The following ARHGAP5 variants were observed in gnomAD, a reference collection of about 807,000 sequenced individuals.
ARHGAP5 encodes the protein Rho GTPase activating protein 5.
In ARHGAP5, 23 loss-of-function variants were observed where a neutral mutation model predicts 116.6. The ratio of observed to expected loss-of-function variants is 0.20; its 90% CI spans 0.14 to 0.28. The LOEUF (loss-of-function observed/expected upper bound fraction) is 0.28, where lower values mean the gene tolerates loss of function less well. Ranked by LOEUF, ARHGAP5 falls within the 10% of genes least tolerant of loss-of-function variation. ARHGAP5 has a pLI of 1.00. For missense variants in ARHGAP5, 1,405 were observed against 1,774.8 expected, an observed-to-expected ratio of 0.79 and a Z score of 3.74; for synonymous variants, 574 against 602.0, an observed-to-expected ratio of 0.95 and a Z score of 0.68.
At chr14:32,107,267 C>T (rs1248277839) in intron 2 of ARHGAP5, among the ~76,000 whole-genome samples, 1 of 152,110 alleles carries the variant, frequency 6.6e-6, no homozygotes, top group Non-Finnish European at 1.5e-5. Flanking sequence ...CTTCCTGTAA[C>T]TTGATGATGT....
chr14:32,126,705 G>T (rs1412915871), intron 3 of ARHGAP5, among the ~76,000 whole-genome samples: 1 of 151,948 alleles, frequency 6.6e-6, no homozygotes, highest in Non-Finnish European at 1.5e-5. Flanking sequence ...GATTTTATTG[G>T]ATTATTTTTC....
intron 1 of ARHGAP5, among the ~76,000 whole-genome samples, chr14:32,082,777 TG>T (rs1268376687): frequency 1.3e-5 from 2 of 152,242 alleles, no homozygotes; most frequent in African/African-American, 4.8e-5. Flanking sequence ...TGACCTCAAG[TG>T]ATCTGCTGGC....
intron 2 of ARHGAP5, among the ~76,000 whole-genome samples, chr14:32,110,912 AAAAACAGATGGAG>A (rs1879260048): frequency 1.3e-5 from 2 of 152,230 alleles, no homozygotes; most frequent in African/African-American, 4.8e-5. Flanking sequence ...TAGAATTCCC[AAAAACAGATGGAG>A]AAGGCTGCAG....
At chr14:32,110,715 C>T (rs1449019038) in intron 2 of ARHGAP5, among the ~76,000 whole-genome samples, 1 of 152,102 alleles carries the variant, frequency 6.6e-6, no homozygotes, top group Non-Finnish European at 1.5e-5. Flanking sequence ...GGATATTAAG[C>T]AGGTGATGCA....
Position 32,093,490 on chromosome 14 carries a change from A to G in ARHGAP5, c.2821A>G (p.Lys941Glu). ...FTLFFSDVLE[K>E]KNMIENSYLS... The stretch of plus-strand genomic sequence containing the variant: ...TCTGTTTTTTAGTGATGTTCTAGAG[A>G]AAAAAAATATGATAGAAAATTCTTA... Residue 941 changes from lysine to glutamate, a missense_variant, in exon 2 of 7, where the codon AAA (lysine) becomes GAA (glutamate). By Grantham distance (56) the Lys-to-Glu change is moderately conservative. Around this residue, in one of 6 missense-constraint regions of ARHGAP5, gnomAD observed 944 missense variants for 1,095.3 expected, o/e 0.86. Coordinates refer to ENST00000345122, the MANE Select transcript of ARHGAP5 (RefSeq NM_001030055.2). The G allele has an allele frequency of 1.9e-6, 3 of 1,611,302 alleles. No homozygotes were observed. The Middle Eastern group carries it at 5.0e-4, about 268-fold the overall frequency.
At chr14:32,148,220 C>A (rs1881484807) in intron 4 of ARHGAP5, among the ~76,000 whole-genome samples, 1 of 138,322 alleles carries the variant, frequency 7.2e-6, no homozygotes, top group African/African-American at 2.6e-5. Flanking sequence ...CTATGTATAT[C>A]TATCTATAGT....
intron 2 of ARHGAP5, among the ~76,000 whole-genome samples, chr14:32,107,925 C>G (rs889923965): frequency 2.6e-5 from 4 of 152,090 alleles, no homozygotes; most frequent in African/African-American, 9.7e-5. Flanking sequence ...GAACTCACAA[C>G]TGAGTTTGGG....
At chr14:32,114,984 G>A (rs1309438362) in intron 2 of ARHGAP5, among the ~76,000 whole-genome samples, 1 of 152,120 alleles carries the variant, frequency 6.6e-6, no homozygotes, top group Admixed American at 6.5e-5. Context: ...TAATGGATTT[G>A]TGATTTATGC....
intron 4 of ARHGAP5, among the ~76,000 whole-genome samples, chr14:32,147,134 C>T (rs778205107): frequency 2.6e-5 from 4 of 151,836 alleles, no homozygotes; most frequent in Non-Finnish European, 4.4e-5. Flanking sequence ...ATTCTATATG[C>T]GATTAAAGAT....
chr14:32,107,842 A>G (rs537789377), intron 2 of ARHGAP5, among the ~76,000 whole-genome samples: 1 of 152,334 alleles, frequency 6.6e-6, no homozygotes, highest in Non-Finnish European at 1.5e-5. Flanking sequence ...AGTTATCAGG[A>G]TGTATAAAGG....
chr14:32,096,557 C>A (rs1263040769), intron 2 of ARHGAP5, among the ~76,000 whole-genome samples: 1 of 152,066 alleles, frequency 6.6e-6, no homozygotes, highest in Non-Finnish European at 1.5e-5. Context: ...CAATTCCGTG[C>A]CACAAGTTTG....
Position 32,155,185 on chromosome 14 carries a change from C to A in ARHGAP5, c.*237C>A. ...ACAAAAATAGCTATAAAGTACAAAG[C>A]TGCTGCTGCATGCAACCTTATTGCA... On this transcript the variant is annotated 3_prime_UTR_variant, in exon 7 of 7. Transcript: ENST00000345122. 1 of 444,034 alleles carries A rather than the reference C, an allele frequency of 2.3e-6. No homozygotes were observed. The highest frequency in any genetic ancestry group is 4.0e-6 in the Non-Finnish European group (1 of 249,398). 27.5% of individuals were successfully genotyped at this position (444,034 alleles called of 1,614,324 possible). A position where few individuals can be genotyped will look rare whatever the true frequency, so the allele number is the denominator to read the frequency against.
intron 3 of ARHGAP5, among the ~76,000 whole-genome samples, chr14:32,141,823 A>G (rs1234005955): frequency 2.0e-5 from 3 of 152,180 alleles, no homozygotes; most frequent in Non-Finnish European, 4.4e-5. Context: ...AACACTTTAA[A>G]TATATCATTC....
At position 32,091,207 on chromosome 14, in the gene ARHGAP5, G is replaced by T; in HGVS notation, c.538G>T (p.Val180Leu). The stretch of plus-strand genomic sequence containing the variant: ...GAAGTTTGATGATCAACTTAAATTT[G>T]TGAATAACCTTTTTGTCCAGTTATC... ...NRKFDDQLKF[V>L]NNLFVQLSKS... Residue 180 changes from valine (V) to leucine (L), a missense_variant, in exon 2 of 7, where the codon GTG (valine) becomes TTG (leucine). By Grantham distance (32) the Val-to-Leu change is conservative. This residue lies in a region of ARHGAP5 where 190 missense variants were observed against 314.9 expected (regional missense o/e 0.60). Coordinates refer to ENST00000345122, the MANE Select transcript of ARHGAP5 (RefSeq NM_001030055.2). The T allele has an allele frequency of 6.2e-7, 1 of 1,613,104 alleles. No individual in the cohort carries two copies. Among genetic ancestry groups the T allele is most frequent in the Non-Finnish European group, 8.5e-7 (1 of 1,179,522 alleles).
chr14:32,092,395 C>G lies in ARHGAP5; in HGVS notation c.1726C>G (p.Leu576Val), dbSNP rs1878299915. The change falls in exon 2 of 7, where the codon CTT becomes GTT. Residue 576 changes from leucine to valine, a missense_variant. Physicochemically the swap from Leu to Val is conservative, Grantham distance 32. Coordinates refer to ENST00000345122, the MANE Select transcript of ARHGAP5 (RefSeq NM_001030055.2). The surrounding 1 kb of genome is among the most constrained non-coding windows in gnomAD (Gnocchi z 4.1). ...IKVEQLLASS[L>V]LQLDHGRLRL... Reference sequence around the variant, plus strand: ...AGTGGAGCAGTTACTTGCTAGTAGTCTTTTACAGTTGGATCATGGCCGCTT... The same window carrying G: ...AGTGGAGCAGTTACTTGCTAGTAGTGTTTTACAGTTGGATCATGGCCGCTT... 6.2e-7 allele frequency: 1 copy of G among 1,613,396 alleles called. No individual in the cohort carries two copies. The highest frequency in any genetic ancestry group is 8.5e-7 in the Non-Finnish European group (1 of 1,179,690).
intron 2 of ARHGAP5, among the ~76,000 whole-genome samples, chr14:32,095,229 C>G (rs1050568424): frequency 6.6e-6 from 1 of 152,128 alleles, no homozygotes; most frequent in Non-Finnish European, 1.5e-5. Context: ...TGCTGTTTAT[C>G]ATACCCAATT....
intron 2 of ARHGAP5, among the ~76,000 whole-genome samples, chr14:32,113,966 C>T (rs1453754817): frequency 1.3e-5 from 2 of 152,190 alleles, no homozygotes; most frequent in African/African-American, 2.4e-5. Context: ...CAGTGACTCA[C>T]GCCTGTAATC....
rs1881378551 is a variant in ARHGAP5, at chr14:32,146,339, A to G, written c.3942A>G (p.Gln1314=). ...ACAATATTCAAAAGCAGTTTGATCA[A>G]GGTAAGAAGATGATTATGTGAAATA... is the stretch of plus-strand genomic sequence containing the variant. ...DQDNIQKQFD[Q]DHNINLVSME... is the part of the protein sequence containing the mutation. Residue 1314 remains glutamine (Q), a splice_region_variant and synonymous_variant, in exon 4 of 7, where the codon CAA becomes CAG. Coordinates refer to ENST00000345122, the MANE Select transcript of ARHGAP5 (RefSeq NM_001030055.2). 2 of 1,602,896 alleles carry G rather than the reference A, an allele frequency of 1.2e-6. No homozygotes were observed. Among genetic ancestry groups the G allele is most frequent in the African/African-American group, 2.7e-5 (2 of 74,678 alleles).
intron 2 of ARHGAP5, among the ~76,000 whole-genome samples, chr14:32,109,256 C>T (rs1879168821): frequency 1.3e-5 from 2 of 151,684 alleles, no homozygotes; most frequent in South Asian, 4.2e-4. Flanking sequence ...TTTTGGCTTC[C>T]TTTTTTCTTG....
Sources: gnomAD v4.1 joint callset for allele counts (sites outside exome capture counted in the v4.1 genomes callset) on GRCh38, gnomAD v4.1.1 for gene constraint, gnomAD v4.1.1 regional missense constraint, Gnocchi (gnomAD v3.1) non-coding constraint, MANE v1.5 for transcripts, NCBI Gene and HGNC (gene_info 2026-07-23, HGNC 2026-07-21) for gene names.